COL17A1: variants seen among roughly 807,000 people sequenced by gnomAD.
The protein encoded by COL17A1 is collagen alpha-1(XVII) chain.
A neutral mutation model predicts 218.4 loss-of-function variants in COL17A1; 181 were observed. The ratio of observed to expected loss-of-function variants is 0.83; its 90% CI spans 0.73 to 0.94. COL17A1 has a LOEUF of 0.94. Among genes scored for constraint, COL17A1 ranks in the 40% least tolerant of loss-of-function variants. The pLI is 0.00. For missense variants in COL17A1, 1,924 were observed against 1,945.9 expected, an observed-to-expected ratio of 0.99 and a Z score of 0.21; for synonymous variants, 721 against 731.0, an observed-to-expected ratio of 0.99 and a Z score of 0.22.
At chr10:104,049,529 A>C in intron 28 of COL17A1, 58 bp from the exon 29 acceptor site, 1 of 1,566,082 alleles carries the variant, frequency 6.4e-7, no homozygotes. Flanking sequence ...TGCTTTAACA[A>C]TGGTGGTCTG....
chr10:104,037,155 T>C (rs1357619271), intron 46 of COL17A1, 42 bp from the exon 47 acceptor site: 24 of 1,526,668 alleles, frequency 1.6e-5, no homozygotes, highest in Non-Finnish European at 2.1e-5. Flanking sequence ...TAGCAGGTAC[T>C]GAAGCAACAC....
At chr10:104,033,397 GCA>G (rs1564669299) in intron 52 of COL17A1, 22 bp from the exon 53 acceptor site, 4 of 1,607,888 alleles carry the variant, frequency 2.5e-6, no homozygotes, top group Non-Finnish European at 3.4e-6. Context: ...CAGAGCTTGG[GCA>G]CAGGAAGCAG....
At chr10:104,076,578 CT>C (rs1482215070) in intron 4 of COL17A1, 149 bp from the exon 5 acceptor site, 7 of 1,041,728 alleles carry the variant, frequency 6.7e-6, no homozygotes, top group Non-Finnish European at 1.0e-5. Context: ...ATTCCCCCAG[CT>C]GTTCACAAAT....
intron 45 of COL17A1, 43 bp downstream of exon 45, chr10:104,038,363 T>G (rs118096354): frequency 0.012 from 18,606 of 1,612,564 alleles, 151 homozygotes; most frequent in Non-Finnish European, 0.014. Flanking sequence ...AGACTGTATC[T>G]CCATGTTCTT....
At position 104,041,306 on chromosome 10, in the gene COL17A1, G is replaced by A. The variant is rs1357044825; in HGVS notation, c.2644C>T (p.Pro882Ser). The change falls in exon 38 of 56, where the codon CCA becomes TCA. Residue 882 changes from proline (P) to serine (S), a missense_variant. By Grantham distance (74) the Pro-to-Ser change is moderately conservative. Coordinates refer to ENST00000648076, the MANE Select transcript of COL17A1 (RefSeq NM_000494.4). The part of the protein sequence containing the change: ...IPGPPGPRGP[P>S]GEGLPGPPGP... ...CAGTGGTAAGCTCGGCTCTCACCTGGTGGGCCTCGGGGTCCTGGTGGGCCT... is the reference window on the plus strand; with the variant it reads ...CAGTGGTAAGCTCGGCTCTCACCTGATGGGCCTCGGGGTCCTGGTGGGCCT... The A allele has an allele frequency of 6.2e-7, 1 of 1,607,554 alleles. No homozygotes were observed. Among genetic ancestry groups the A allele is most frequent in the Admixed American group, 1.7e-5 (1 of 59,060 alleles).
At chr10:104,040,858 C>G (rs1407051295) in intron 39 of COL17A1, among the ~76,000 whole-genome samples, 2 of 152,186 alleles carry the variant, frequency 1.3e-5, no homozygotes, top group Non-Finnish European at 2.9e-5. Context: ...CTGGCTCCCT[C>G]CCTCAGGCCA....
chr10:104,055,265 C>G, intron 19 of COL17A1, 107 bp downstream of exon 19: 2 of 1,571,452 alleles, frequency 1.3e-6, no homozygotes, highest in African/African-American at 1.4e-5. Context: ...TCATTCAGCT[C>G]TTCATCCTTC....
intron 55 of COL17A1, 76 bp downstream of exon 55, chr10:104,032,598 A>AAT: frequency 2.0e-6 from 3 of 1,469,472 alleles, no homozygotes; most frequent in Non-Finnish European, 2.9e-6. Context: ...CTCTGGAACA[A>AAT]ATCACCTGCT....
At chr10:104,040,754 C>T (rs893548804) in intron 39 of COL17A1, among the ~76,000 whole-genome samples, 3 of 152,134 alleles carry the variant, frequency 2.0e-5, no homozygotes, top group Admixed American at 6.5e-5. Context: ...ACTTACTTCA[C>T]GCGCATGTAT....
chr10:104,079,529 T>A (rs2086744918), intron 2 of COL17A1, among the ~76,000 whole-genome samples: 1 of 152,198 alleles, frequency 6.6e-6, no homozygotes, highest in Admixed American at 6.5e-5. Context: ...CCCACATGAC[T>A]CTCATTCACA....
intron 23 of COL17A1, 133 bp from the exon 24 acceptor site, chr10:104,052,350 G>T: frequency 8.6e-7 from 1 of 1,157,938 alleles, no homozygotes; most frequent in Non-Finnish European, 1.3e-6. Flanking sequence ...CCCCAGTGAG[G>T]CCACTTATCA....
Position 104,064,577 on chromosome 10 carries a change from T to C in COL17A1, c.627A>G (p.Ala209=). 6.2e-7 allele frequency: 1 copy of C among 1,613,574 alleles called. No homozygotes were observed. Among genetic ancestry groups the C allele is most frequent in the South Asian group, 1.1e-5 (1 of 90,930 alleles). Reference sequence around the variant, plus strand: ...AGGGAAGGTTGGCATCCAGGATCGTTGCATCGTAGGTGCCTGACACTGGAA... The same window carrying C: ...AGGGAAGGTTGGCATCCAGGATCGTCGCATCGTAGGTGCCTGACACTGGAA... The part of the protein sequence containing the change: ...SSQSVSGTYD[A]TILDANLPSH... Residue 209 remains alanine, a synonymous_variant, in exon 10 of 56, where the codon GCA becomes GCG. Coordinates refer to ENST00000648076, the MANE Select transcript of COL17A1 (RefSeq NM_000494.4).
At position 104,053,909 on chromosome 10, in the gene COL17A1, G is replaced by T; in HGVS notation, c.1834+11C>A. On this transcript the variant is annotated intron_variant, in intron 22 of 55. Coordinates refer to ENST00000648076, the MANE Select transcript of COL17A1 (RefSeq NM_000494.4). The stretch of plus-strand genomic sequence containing the variant: ...GAGGAATAAATGAATAAAGAAAAAT[G>T]TGTTTCTTACCCACGCTGCCTTTTT... The T allele has an allele frequency of 6.7e-7, 1 of 1,501,140 alleles. No individual in the cohort carries two copies. The highest frequency in any genetic ancestry group is 9.3e-7 in the Non-Finnish European group (1 of 1,077,996). The allele number at this position is 1,501,140 out of a possible 1,614,324, so 93.0% of individuals were successfully genotyped here.
At chr10:104,054,854 C>G in intron 20 of COL17A1, 127 bp downstream of exon 20, 1 of 1,459,096 alleles carries the variant, frequency 6.9e-7, no homozygotes, top group Non-Finnish European at 9.4e-7. Context: ...CTCCTCCTCA[C>G]ACACCTGTCC....
Position 104,037,085 on chromosome 10 carries a change from C to T in COL17A1, c.3237G>A (p.Ser1079=), listed in dbSNP as rs372036472. Residue 1079 remains serine (S), a synonymous_variant, in exon 47 of 56, where the codon TCG becomes TCA. Coordinates refer to ENST00000648076, the MANE Select transcript of COL17A1 (RefSeq NM_000494.4). The part of the protein sequence containing the change: ...RTSGYGVSLF[S]SSISSEDILA... ...GAATGTCTTCAGAAGAGATGGAGGACGAGAACAAGCTGACACCGTACCCCG... is the reference window on the plus strand; with the variant it reads ...GAATGTCTTCAGAAGAGATGGAGGATGAGAACAAGCTGACACCGTACCCCG... 25 of 1,607,560 alleles carry T rather than the reference C, an allele frequency of 1.6e-5. No individual in the cohort carries two copies. Among genetic ancestry groups the T allele is most frequent in the African/African-American group, 1.3e-4 (10 of 74,786 alleles).
Position 104,052,184 on chromosome 10 carries a change from G to C in COL17A1, c.1973C>G (p.Pro658Arg), listed in dbSNP as rs745384283. Reference protein sequence around the residue: ...AAGEPGPHGPPGVPGSVGPKG... With the variant: ...AAGEPGPHGPRGVPGSVGPKG... ...GGGACCCACAGAACCTGGGACACCA[G>C]GTGGGCCATGAGGACCTGGTTCACC... is the stretch of plus-strand genomic sequence containing the variant. Residue 658 changes from proline to arginine, a missense_variant, in exon 24 of 56, where the codon CCT becomes CGT. Pro to Arg is a moderately radical substitution (Grantham distance 103). Coordinates refer to ENST00000648076, the MANE Select transcript of COL17A1 (RefSeq NM_000494.4). 1.2e-6 allele frequency: 2 copies of C among 1,614,184 alleles called. No individual in the cohort carries two copies. Among genetic ancestry groups the C allele is most frequent in the Admixed American group, 1.7e-5 (1 of 60,034 alleles).
chr10:104,055,055 AG>A (rs771907322), intron 19 of COL17A1, 48 bp from the exon 20 acceptor site: 1 of 1,613,292 alleles, frequency 6.2e-7, no homozygotes, highest in South Asian at 1.1e-5. Context: ...AAGAACCCAA[AG>A]GCCATACTCT....
At chr10:104,053,160 C>T in intron 22 of COL17A1, 25 bp from the exon 23 acceptor site, 1 of 1,609,704 alleles carries the variant, frequency 6.2e-7, no homozygotes, top group Non-Finnish European at 8.5e-7. Flanking sequence ...GGCCAGCCTC[C>T]AAGTCAGGAT....
intron 20 of COL17A1, 33 bp downstream of exon 20, chr10:104,054,948 T>C (rs1465505187): frequency 4.3e-6 from 7 of 1,614,036 alleles, no homozygotes; most frequent in Middle Eastern, 1.6e-4. Context: ...CACTTGCTAA[T>C]ATTTAAGGTA....
Sources: allele counts gnomAD v4.1 joint callset (sites outside exome capture counted in the v4.1 genomes callset), GRCh38; gene constraint gnomAD v4.1.1; transcripts MANE v1.5; gene names NCBI Gene and HGNC (gene_info 2026-07-23, HGNC 2026-07-21).